Variants in TMEM116 observed in about 807,000 individuals in gnomAD.
TMEM116 encodes the protein transmembrane protein 116.
TMEM116 carries 38 observed loss-of-function variants against 44.3 expected under a neutral mutation model. That is an observed-to-expected ratio of 0.86 (90% CI 0.66 to 1.12). TMEM116 has a LOEUF of 1.12. TMEM116 is among the 50% of genes most tolerant of loss of function. The probability of loss-of-function intolerance (pLI) is 0.00; values close to 1 mark genes in which losing one functional copy is unlikely to be tolerated. For missense variants in TMEM116, 354 were observed against 401.7 expected, an observed-to-expected ratio of 0.88 and a Z score of 1.01; for synonymous variants, 132 against 144.8, an observed-to-expected ratio of 0.91 and a Z score of 0.64.
chr12:111,950,387 C>T (rs965948543), intron 4 of TMEM116, among the ~76,000 whole-genome samples: 17 of 151,654 alleles, frequency 1.1e-4, no homozygotes, highest in African/African-American at 3.2e-4. Context: ...CTTATGCCTA[C>T]CTCTTTCACT....
chr12:111,957,412 T>A (rs903050253), intron 4 of TMEM116, among the ~76,000 whole-genome samples: 8 of 150,202 alleles, frequency 5.3e-5, no homozygotes, highest in African/African-American at 2.0e-4. Flanking sequence ...ATCTGGGAAG[T>A]GGGGAGCCCC....
At chr12:111,941,393 GTAAT>G (rs2072808286) in intron 5 of TMEM116, among the ~76,000 whole-genome samples, 1 of 150,608 alleles carries the variant, frequency 6.6e-6, no homozygotes. Flanking sequence ...AAAAAAAAGA[GTAAT>G]TATTAGTATG....
At chr12:112,011,094 C>A (rs1029535326) in intron 1 of TMEM116, 1 of 152,248 alleles carries the variant, frequency 6.6e-6, no homozygotes, top group African/African-American at 2.4e-5. Context: ...CACTCCTGAG[C>A]CTGCAGGGAT....
At chr12:111,970,261 G>A (rs2075253490) in intron 4 of TMEM116, among the ~76,000 whole-genome samples, 1 of 150,816 alleles carries the variant, frequency 6.6e-6, no homozygotes, top group Non-Finnish European at 1.5e-5. Flanking sequence ...TACACCCTGG[G>A]TGACAGAGCA....
chr12:111,997,180 T>A (rs1339299207), intron 3 of TMEM116, among the ~76,000 whole-genome samples: 1 of 152,210 alleles, frequency 6.6e-6, no homozygotes, highest in Admixed American at 6.5e-5. Context: ...TTTATAATCA[T>A]TCTTTAAATA....
chr12:111,981,933 GAA>G (rs908563838), intron 4 of TMEM116, among the ~76,000 whole-genome samples: 1 of 152,114 alleles, frequency 6.6e-6, no homozygotes, highest in African/African-American at 2.4e-5. Context: ...GCCAGGCACA[GAA>G]AGACAAATAC....
At chr12:111,946,349 C>T (rs576925271) in intron 4 of TMEM116, among the ~76,000 whole-genome samples, 69 of 151,460 alleles carry the variant, frequency 4.6e-4, no homozygotes, top group African/African-American at 1.7e-3. Flanking sequence ...GTTTGACTCA[C>T]ATATTTATTG....
chr12:111,989,803 C>T (rs945137669), intron 4 of TMEM116, among the ~76,000 whole-genome samples: 1 of 152,060 alleles, frequency 6.6e-6, no homozygotes, highest in Admixed American at 6.6e-5. Flanking sequence ...TAAAGGAAAA[C>T]GTATCTGAAA....
intron 9 of TMEM116, among the ~76,000 whole-genome samples, chr12:111,933,258 T>A (rs1374323028): frequency 5.0e-5 from 7 of 139,478 alleles, no homozygotes; most frequent in Non-Finnish European, 9.3e-5. Flanking sequence ...AAAAAAAAAA[T>A]TATCTAACCT....
intron 4 of TMEM116, among the ~76,000 whole-genome samples, chr12:111,948,772 T>G (rs1219675042): frequency 6.6e-6 from 1 of 152,060 alleles, no homozygotes; most frequent in African/African-American, 2.4e-5. Context: ...AATTGCAAAG[T>G]TCCAATAAAT....
intron 9 of TMEM116, 194 bp from the exon 10 acceptor site, chr12:111,932,853 AT>A: frequency 5.1e-6 from 3 of 587,684 alleles, no homozygotes; most frequent in Non-Finnish European, 9.1e-6. Flanking sequence ...AACTTTGTAG[AT>A]TATTAGTGTA....
At chr12:111,944,692 T>G (rs1414655311) in intron 4 of TMEM116, among the ~76,000 whole-genome samples, 1 of 152,062 alleles carries the variant, frequency 6.6e-6, no homozygotes, top group Non-Finnish European at 1.5e-5. Context: ...GGTTAAGTAT[T>G]AATCAATGTA....
chr12:112,002,523 C>G (rs544867191), intron 3 of TMEM116, among the ~76,000 whole-genome samples: 13 of 151,006 alleles, frequency 8.6e-5, no homozygotes, highest in Non-Finnish European at 2.9e-5. Context: ...CAAGATCGTG[C>G]CACTGCACTC....
intron 4 of TMEM116, among the ~76,000 whole-genome samples, chr12:111,967,653 A>G (rs1204854744): frequency 6.6e-6 from 1 of 152,190 alleles, no homozygotes; most frequent in Non-Finnish European, 1.5e-5. Context: ...AATAATAAAC[A>G]CTTGATATCA....
chr12:111,981,173 G>A (rs1404211381), intron 4 of TMEM116, among the ~76,000 whole-genome samples: 1 of 152,102 alleles, frequency 6.6e-6, no homozygotes, highest in East Asian at 1.9e-4. Context: ...CACAGAAAGT[G>A]ATGGAGTACA....
At chr12:111,974,327 GTC>G (rs1225915120) in intron 4 of TMEM116, among the ~76,000 whole-genome samples, 1 of 152,096 alleles carries the variant, frequency 6.6e-6, no homozygotes, top group Non-Finnish European at 1.5e-5. Flanking sequence ...GGAGGTTCTA[GTC>G]ACTGCAATCA....
chr12:111,980,276 A>G (rs2075869611), intron 4 of TMEM116, among the ~76,000 whole-genome samples: 1 of 152,224 alleles, frequency 6.6e-6, no homozygotes, highest in African/African-American at 2.4e-5. Context: ...GACCTGGAAG[A>G]ACCTTAAATA....
chr12:111,987,977 ATGGAAT>A (rs2076321248), intron 4 of TMEM116, among the ~76,000 whole-genome samples: 1 of 152,258 alleles, frequency 6.6e-6, no homozygotes, highest in Non-Finnish European at 1.5e-5. Context: ...ATACAATACA[ATGGAAT>A]ATTACTCAGC....
At chr12:111,988,948 T>C (rs2076388989) in intron 4 of TMEM116, among the ~76,000 whole-genome samples, 1 of 152,096 alleles carries the variant, frequency 6.6e-6, no homozygotes, top group Non-Finnish European at 1.5e-5. Flanking sequence ...GCCAAGATTA[T>C]GCCATTGCAC....
Sources: gnomAD v4.1 joint callset for allele counts (sites outside exome capture counted in the v4.1 genomes callset) on GRCh38, gnomAD v4.1.1 for gene constraint, MANE v1.5 for transcripts, NCBI Gene and HGNC (gene_info 2026-07-23, HGNC 2026-07-21) for gene names.